The following PRPF40B variants were observed in gnomAD, a reference collection of about 807,000 sequenced individuals.
The protein encoded by PRPF40B is pre-mRNA-processing factor 40 homolog B.
Under a neutral mutation model 124.5 loss-of-function variants are expected in PRPF40B, and 56 were observed. The ratio of observed to expected loss-of-function variants is 0.45; its 90% CI spans 0.36 to 0.56. The LOEUF is 0.56. PRPF40B is among the 20% of genes least tolerant of loss of function. PRPF40B has a pLI of 0.00. For missense variants in PRPF40B, 1,053 were observed against 1,169.5 expected, an observed-to-expected ratio of 0.90 and a Z score of 1.45; for synonymous variants, 443 against 426.4, an observed-to-expected ratio of 1.04 and a Z score of -0.48.
chr12:49,633,244 A>G (rs1592586348), intron 7 of PRPF40B, 120 bp downstream of exon 7: 2 of 1,255,212 alleles, frequency 1.6e-6, no homozygotes, highest in East Asian at 4.6e-5. Flanking sequence ...GTCCCTGACC[A>G]TTCCTCACCC....
chr12:49,642,255 A>G lies in PRPF40B; in HGVS notation c.1905A>G (p.Ala635=), dbSNP rs1942776474. Residue 635 remains alanine, a synonymous_variant, in exon 20 of 26, where the codon GCA becomes GCG. Transcript: ENST00000548825. The surrounding 1 kb of genome is among the most constrained non-coding windows in gnomAD (Gnocchi z 5.8). The stretch of plus-strand genomic sequence containing the variant: ...CTCAGCTGCTGGAGAAAGCAGAGGC[A>G]CGGGAGAGGGAGCGGGAGAAGGAGG... ...TFNSLLEKAE[A]REREREKEEA... is the part of the protein sequence containing the mutation. 2 of 1,614,162 alleles carry G rather than the reference A, an allele frequency of 1.2e-6. No individual in the cohort carries two copies. Among genetic ancestry groups the G allele is most frequent in the Admixed American group, 1.7e-5 (1 of 60,032 alleles).
intron 18 of PRPF40B, chr12:49,641,450 T>C (rs1942635135): frequency 6.3e-6 from 1 of 157,968 alleles, no homozygotes; most frequent in South Asian, 1.9e-4. Flanking sequence ...TTCTTAAATG[T>C]AGAACCAAGA....
At position 49,635,578 on chromosome 12, in the gene PRPF40B, C is replaced by A; in HGVS notation, c.1275+105C>A. The A allele has an allele frequency of 8.6e-7, 1 of 1,159,844 alleles. No homozygotes were observed. The highest frequency in any genetic ancestry group is 1.2e-6 in the Non-Finnish European group (1 of 817,224). The allele number at this position is 1,159,844 out of a possible 1,614,324, so 71.8% of individuals were successfully genotyped here. On this transcript the variant is annotated intron_variant, in intron 14 of 25. Coordinates refer to ENST00000548825, the MANE Select transcript of PRPF40B (RefSeq NM_001031698.3). The surrounding 1 kb of genome is among the most constrained non-coding windows in gnomAD (Gnocchi z 4.1). ...ATTTACTTCTCTACTTCCCCAGTGTCCCAGCTTCTGACTTGGAAGCTGGTA... is the reference window on the plus strand; with the variant it reads ...ATTTACTTCTCTACTTCCCCAGTGTACCAGCTTCTGACTTGGAAGCTGGTA...
At chr12:49,629,288 G>A (rs181712812) in intron 1 of PRPF40B, among the ~76,000 whole-genome samples, 3 of 152,034 alleles carry the variant, frequency 2.0e-5, no homozygotes, top group Admixed American at 1.3e-4. Flanking sequence ...AGATCATATC[G>A]AGACAATAAG....
At position 49,643,316 on chromosome 12, in the gene PRPF40B, T is replaced by C; in HGVS notation, c.2299T>C (p.Ser767Pro). The part of the protein sequence containing the change: ...RNPSESGSEP[S>P]SSLDSVESGG... ...CCCCTCAGAGTCAGGCTCTGAGCCC[T>C]CTTCCTCACTTGATTCAGTTGAAAG... Residue 767 changes from serine (S) to proline (P), a missense_variant, in exon 23 of 26, where the codon TCT (serine) becomes CCT (proline). This residue lies in a region of PRPF40B where 895 missense variants were observed against 1,052.2 expected (regional missense o/e 0.85). Coordinates refer to ENST00000548825, the MANE Select transcript of PRPF40B (RefSeq NM_001031698.3). 1 of 1,610,030 alleles carries C rather than the reference T, an allele frequency of 6.2e-7. No individual in the cohort carries two copies. The highest frequency in any genetic ancestry group is 1.1e-5 in the South Asian group (1 of 90,438).
At chr12:49,628,999 C>T (rs1453635468) in intron 1 of PRPF40B, among the ~76,000 whole-genome samples, 1 of 152,232 alleles carries the variant, frequency 6.6e-6, no homozygotes, top group Non-Finnish European at 1.5e-5. Flanking sequence ...TCCTCCCTAT[C>T]ACCCCCTAAC....
At chr12:49,628,435 A>G (rs1417255871) in intron 1 of PRPF40B, among the ~76,000 whole-genome samples, 1 of 151,222 alleles carries the variant, frequency 6.6e-6, no homozygotes, top group African/African-American at 2.4e-5. Flanking sequence ...TAATTTTTGT[A>G]TTTTTAGTAG....
In PRPF40B at chr12:49,633,045, A is replaced by T; in HGVS notation, c.380A>T (p.Asp127Val). The change falls in exon 7 of 26, where the codon GAT becomes GTT. Residue 127 changes from aspartate (D) to valine (V), a missense_variant. Asp to Val is a radical substitution (Grantham distance 152). Coordinates refer to ENST00000548825, the MANE Select transcript of PRPF40B (RefSeq NM_001031698.3). ...RALWSEHVAPDGRIYYYNADD... is the reference protein window; with the variant it reads ...RALWSEHVAPVGRIYYYNADD... ...CTATGGAGTGAGCATGTGGCCCCAG[A>T]TGGGCGCATCTACTACTACAATGCT... 7.1e-7 allele frequency: 1 copy of T among 1,402,042 alleles called. No individual in the cohort carries two copies. Among genetic ancestry groups the T allele is most frequent in the Non-Finnish European group, 9.5e-7 (1 of 1,056,992 alleles). 86.9% of individuals were successfully genotyped at this position (1,402,042 alleles called of 1,614,324 possible).
rs1172543250 is a variant in PRPF40B, at chr12:49,642,115, C to T, written c.1884+91C>T. ...CTCACTGTCCCACTGACTATATTCC[C>T]AATTCAGGGGATGGTGGTAGAAGCC... On this transcript the variant is annotated intron_variant, in intron 19 of 25. Transcript: ENST00000548825. The surrounding 1 kb of genome is among the most constrained non-coding windows in gnomAD (Gnocchi z 5.8). 8.1e-6 allele frequency: 13 copies of T among 1,602,270 alleles called. No homozygotes were observed. The highest frequency in any genetic ancestry group is 1.1e-5 in the Non-Finnish European group (13 of 1,171,756).
chr12:49,624,102 A>AG, intron 1 of PRPF40B: 1 of 982,866 alleles, frequency 1.0e-6, no homozygotes. Context: ...TGAGGTGGAG[A>AG]GGGGGCCTCT....
chr12:49,636,726 G>A lies in PRPF40B; in HGVS notation c.1437G>A (p.Lys479=). 6.2e-7 allele frequency: 1 copy of A among 1,614,186 alleles called. No individual in the cohort carries two copies. Among genetic ancestry groups the A allele is most frequent in the Non-Finnish European group, 8.5e-7 (1 of 1,180,022 alleles). Residue 479 remains lysine (K), a synonymous_variant, in exon 16 of 26, where the codon AAG becomes AAA. Transcript: ENST00000548825. ...CCTGCCTGTCTTTAGACATGGACAAGGAAGATGCACTGATCTGTTTTGAGG... is the reference window on the plus strand; with the variant it reads ...CCTGCCTGTCTTTAGACATGGACAAAGAAGATGCACTGATCTGTTTTGAGG... The part of the protein sequence containing the change: ...AQDHQLQNMD[K]EDALICFEEH...
chr12:49,632,444 C>A, intron 4 of PRPF40B, 152 bp from the exon 5 acceptor site: 1 of 798,644 alleles, frequency 1.3e-6, no homozygotes, highest in Non-Finnish European at 2.0e-6. Context: ...AGCTATGGCC[C>A]TGAAGGGTGG....
At chr12:49,637,048 C>T in intron 16 of PRPF40B, 199 bp downstream of exon 16, 2 of 789,722 alleles carry the variant, frequency 2.5e-6, no homozygotes, top group South Asian at 1.8e-5. Flanking sequence ...TCTAGGGAGA[C>T]TAGATGTATG....
rs1941176298 is a variant in PRPF40B at position 49,631,058 on chromosome 12, T to C, written c.85-343T>C. Among the ~76,000 whole-genome samples the C allele has an allele frequency of 6.6e-6, 1 of 152,218 alleles. No individual in the cohort carries two copies. The highest frequency in any genetic ancestry group is 2.4e-5 in the African/African-American group (1 of 41,452). On this transcript the variant is annotated intron_variant, in intron 2 of 25. Coordinates refer to ENST00000548825, the MANE Select transcript of PRPF40B (RefSeq NM_001031698.3). The surrounding 1 kb of genome is among the most constrained non-coding windows in gnomAD (Gnocchi z 4.3). ...GTACTTGGGTACCTGGATACCTGCC[T>C]TCTGCCCCTTCATCTGAGAGGCCTC...
At chr12:49,624,572 G>A (rs752613008) in intron 1 of PRPF40B, among the ~76,000 whole-genome samples, 3 of 152,206 alleles carry the variant, frequency 2.0e-5, no homozygotes, top group Non-Finnish European at 2.9e-5. Context: ...AACAGGGGCC[G>A]GGCGCGGTGG....
chr12:49,632,681 A>G (rs1264097234), intron 5 of PRPF40B, 58 bp downstream of exon 5: 1 of 1,605,626 alleles, frequency 6.2e-7, no homozygotes. Context: ...CATAGGGGAG[A>G]GGGGACCGTG....
chr12:49,634,282 A>C, intron 10 of PRPF40B, 50 bp from the exon 11 acceptor site: 1 of 1,613,066 alleles, frequency 6.2e-7, no homozygotes, highest in Non-Finnish European at 8.5e-7. Context: ...AGGGCACTGA[A>C]AGCTGTGAGA....
chr12:49,642,771 C>A lies in PRPF40B; in HGVS notation c.2118+96C>A. ...AGTGGCCTCCCTCTTACCCTTAGGG[C>A]ACTCCTGGCCAGCTAAGGAAGGGGA... On this transcript the variant is annotated intron_variant, in intron 21 of 25. Coordinates refer to ENST00000548825, the MANE Select transcript of PRPF40B (RefSeq NM_001031698.3). The surrounding 1 kb of genome is among the most constrained non-coding windows in gnomAD (Gnocchi z 5.8). 3 of 1,440,258 alleles carry A rather than the reference C, an allele frequency of 2.1e-6. No homozygotes were observed. In the South Asian group the frequency reaches 3.7e-5, roughly 18 times the overall value. 89.2% of individuals were successfully genotyped at this position (1,440,258 alleles called of 1,614,324 possible). A position where few individuals can be genotyped will look rare whatever the true frequency, so the allele number is the denominator to read the frequency against.
chr12:49,633,449 G>C lies in PRPF40B; in HGVS notation c.482G>C (p.Trp161Ser). 2 of 1,614,138 alleles carry C rather than the reference G, an allele frequency of 1.2e-6. No homozygotes were observed. Among genetic ancestry groups the C allele is most frequent in the Non-Finnish European group, 1.7e-6 (2 of 1,180,012 alleles). Reference protein sequence around the residue: ...KAELLLSQCPWKEYKSDTGKP... With the variant: ...KAELLLSQCPSKEYKSDTGKP... ...CAGCTGCTCCTGTCCCAATGTCCCT[G>C]GAAAGAGTACAAGTCGGACACAGGC... Residue 161 changes from tryptophan to serine, a missense_variant, in exon 8 of 26, where the codon TGG (tryptophan) becomes TCG (serine). Coordinates refer to ENST00000548825, the MANE Select transcript of PRPF40B (RefSeq NM_001031698.3).
Sources: gnomAD v4.1 joint callset for allele counts (sites outside exome capture counted in the v4.1 genomes callset) on GRCh38, gnomAD v4.1.1 for gene constraint, gnomAD v4.1.1 regional missense constraint, Gnocchi (gnomAD v3.1) non-coding constraint, MANE v1.5 for transcripts, NCBI Gene and HGNC (gene_info 2026-07-23, HGNC 2026-07-21) for gene names.